Variants in SNX18 observed in about 807,000 individuals in gnomAD.
The protein encoded by SNX18 is sorting nexin-18.
A neutral mutation model predicts 48.7 loss-of-function variants in SNX18; 35 were observed. The observed-to-expected ratio is 0.72, with a 90% CI of 0.55 to 0.95. The LOEUF (loss-of-function observed/expected upper bound fraction) is 0.95. SNX18 is among the 40% of genes least tolerant of loss of function. The probability of loss-of-function intolerance (pLI) is 0.00; values close to 1 mark genes in which losing one functional copy is unlikely to be tolerated. For missense variants in SNX18, 824 were observed against 871.0 expected (o/e 0.95, Z 0.68); for synonymous variants, 492 against 384.7 (o/e 1.28, Z -3.26).
At chr5:54,561,261 G>A in the SNX18 span, among the ~76,000 whole-genome samples, 1 of 151,688 alleles carries the variant, frequency 6.6e-6, no homozygotes, top group Non-Finnish European at 1.5e-5. Context: ...GGCTGGTCTC[G>A]AACTCCTGAC....
At position 54,545,512 on chromosome 5, in the gene SNX18, G is replaced by C. The variant is rs181327187; in HGVS notation, c.*2080G>C. The C allele has an allele frequency of 3.3e-5, 5 of 151,938 alleles. No homozygotes were observed. In the East Asian group the frequency reaches 9.7e-4, roughly 29 times the overall value. 9.4% of individuals were successfully genotyped at this position (151,938 alleles called of 1,614,324 possible). A position where few individuals can be genotyped will look rare whatever the true frequency, so the allele number is the denominator to read the frequency against. On this transcript the variant is annotated 3_prime_UTR_variant, in exon 2 of 2. Coordinates refer to ENST00000381410, the MANE Select transcript of SNX18 (RefSeq NM_001102575.2). ...TTGTACTTTAGCCAGGGTGGACATAGCTTAAATTATAAAAACTAAAGATGA... is the reference window on the plus strand; with the variant it reads ...TTGTACTTTAGCCAGGGTGGACATACCTTAAATTATAAAAACTAAAGATGA...
downstream of SNX18, among the ~76,000 whole-genome samples, chr5:54,549,379 A>T (rs1217930459): frequency 1.3e-5 from 2 of 152,196 alleles, no homozygotes; most frequent in Non-Finnish European, 2.9e-5. Context: ...CCTTCTGCCC[A>T]CTTTGCCCAC....
the SNX18 span, among the ~76,000 whole-genome samples, chr5:54,560,445 G>A: frequency 2.6e-5 from 4 of 152,098 alleles, no homozygotes; most frequent in South Asian, 2.1e-4. Flanking sequence ...GACACATAGA[G>A]GAGAACAACA....
the SNX18 span, among the ~76,000 whole-genome samples, chr5:54,604,822 G>A: frequency 4.6e-5 from 7 of 152,132 alleles, no homozygotes; most frequent in Non-Finnish European, 7.3e-5. Flanking sequence ...ATGACATGCT[G>A]GTAAGGTAAG....
chr5:54,634,578 T>C, the SNX18 span, among the ~76,000 whole-genome samples: 1 of 152,136 alleles, frequency 6.6e-6, no homozygotes, highest in Non-Finnish European at 1.5e-5. Flanking sequence ...ATGTATTTTA[T>C]GTGTGGCCCA....
chr5:54,610,140 C>T, the SNX18 span, among the ~76,000 whole-genome samples: 3 of 152,284 alleles, frequency 2.0e-5, no homozygotes, highest in East Asian at 5.8e-4. Context: ...GCAAATGAAA[C>T]CTCTTTTCTT....
At chr5:54,580,330 T>C in the SNX18 span, among the ~76,000 whole-genome samples, 1 of 152,252 alleles carries the variant, frequency 6.6e-6, no homozygotes, top group African/African-American at 2.4e-5. Flanking sequence ...CCTTGAAAAG[T>C]ATGTTCTTAG....
In SNX18 at chr5:54,519,353, G is replaced by A; in HGVS notation, c.1401G>A (p.Val467=). The change falls in exon 1 of 2, where the codon GTG becomes GTA. Residue 467 remains valine (V), a synonymous_variant. Transcript: ENST00000381410. ...VTGFKKEYQK[V]GQSFRGLSQA... Reference sequence around the variant, plus strand: ...GCTTCAAAAAGGAGTATCAGAAGGTGGGCCAGTCCTTCCGCGGCCTCAGCC... The same window carrying A: ...GCTTCAAAAAGGAGTATCAGAAGGTAGGCCAGTCCTTCCGCGGCCTCAGCC... The A allele has an allele frequency of 6.2e-7, 1 of 1,613,254 alleles. No individual in the cohort carries two copies. Among genetic ancestry groups the A allele is most frequent in the Non-Finnish European group, 8.5e-7 (1 of 1,179,438 alleles).
At chr5:54,636,717 C>T in the SNX18 span, among the ~76,000 whole-genome samples, 1 of 152,142 alleles carries the variant, frequency 6.6e-6, no homozygotes, top group African/African-American at 2.4e-5. Context: ...AGAAAATGCA[C>T]CCAATTTTAA....
rs755687788 is a variant in SNX18 at position 54,519,119 on chromosome 5, C to T, written c.1167C>T (p.Ala389=). ...GCCCCAGCAGCACCGACGAGAAAGC[C>T]TGGAAGCAGGGCAAGAGGAAGGCCG... The part of the protein sequence containing the change: ...LTCPSSTDEK[A]WKQGKRKAEK... Residue 389 remains alanine, a synonymous_variant, in exon 1 of 2, where the codon GCC becomes GCT. Coordinates refer to ENST00000381410, the MANE Select transcript of SNX18 (RefSeq NM_001102575.2). The T allele has an allele frequency of 4.3e-6, 7 of 1,614,120 alleles. No individual in the cohort carries two copies. The highest frequency in any genetic ancestry group is 5.9e-6 in the Non-Finnish European group (7 of 1,180,014).
chr5:54,615,068 T>G, the SNX18 span, among the ~76,000 whole-genome samples: 1 of 152,152 alleles, frequency 6.6e-6, no homozygotes, highest in East Asian at 1.9e-4. Context: ...GAAAAAACAT[T>G]ATAGATGGAG....
the SNX18 span, among the ~76,000 whole-genome samples, chr5:54,564,577 C>G: frequency 6.6e-6 from 1 of 152,160 alleles, no homozygotes; most frequent in African/African-American, 2.4e-5. Flanking sequence ...TGTTGTTAGG[C>G]TGGGCGCAGT....
At chr5:54,613,344 C>A in the SNX18 span, among the ~76,000 whole-genome samples, 12 of 151,900 alleles carry the variant, frequency 7.9e-5, no homozygotes, top group Non-Finnish European at 1.2e-4. Flanking sequence ...AAGGGCTTCT[C>A]GGTGCATCAT....
the SNX18 span, among the ~76,000 whole-genome samples, chr5:54,635,944 C>T: frequency 6.6e-6 from 1 of 152,150 alleles, no homozygotes; most frequent in Non-Finnish European, 1.5e-5. Context: ...CTGAGATGTT[C>T]CCTGAGCTCA....
chr5:54,621,265 A>G, the SNX18 span, among the ~76,000 whole-genome samples: 1 of 152,186 alleles, frequency 6.6e-6, no homozygotes, highest in African/African-American at 2.4e-5. Flanking sequence ...ATTCAGTCCT[A>G]TGAGTAACTT....
chr5:54,620,365 A>G, the SNX18 span, among the ~76,000 whole-genome samples: 1 of 152,132 alleles, frequency 6.6e-6, no homozygotes, highest in African/African-American at 2.4e-5. Context: ...TTGAGAGAAG[A>G]TGTCATCTTC....
the SNX18 span, among the ~76,000 whole-genome samples, chr5:54,603,001 G>C: frequency 6.6e-6 from 1 of 152,132 alleles, no homozygotes; most frequent in African/African-American, 2.4e-5. Flanking sequence ...GCTACCTGCT[G>C]TAACCGAATT....
At chr5:54,631,845 G>A in the SNX18 span, among the ~76,000 whole-genome samples, 3 of 152,314 alleles carry the variant, frequency 2.0e-5, no homozygotes, top group South Asian at 4.1e-4. Flanking sequence ...TTGGAGAATG[G>A]CCACATTCAC....
rs534531547 is a variant in SNX18, at chr5:54,535,090, T to C, written c.1622-8089T>C. Among the ~76,000 whole-genome samples the C allele has an allele frequency of 1.6e-4, 25 of 152,284 alleles. No homozygotes were observed. The East Asian group carries it at 4.8e-3, about 29-fold the overall frequency. ...ACCTTGTCACATGATTAAATTCTTT[T>C]GTTTTCATTGTTTTATATTCATTGC... On this transcript the variant is annotated intron_variant, in intron 1 of 1. Transcript: ENST00000381410.
Sources: gnomAD v4.1 joint callset for allele counts (sites outside exome capture counted in the v4.1 genomes callset) on GRCh38, gnomAD v4.1.1 for gene constraint, MANE v1.5 for transcripts, NCBI Gene and HGNC (gene_info 2026-07-23, HGNC 2026-07-21) for gene names.